The following CFAP58 variants were observed in gnomAD, a reference collection of about 807,000 sequenced individuals.
The protein encoded by CFAP58 is cilia- and flagella-associated protein 58.
In CFAP58, 88 loss-of-function variants were observed where a neutral mutation model predicts 119.5. The ratio of observed to expected loss-of-function variants is 0.74; its 90% CI spans 0.62 to 0.88. The LOEUF is 0.88. Among genes scored for constraint, CFAP58 ranks in the 40% least tolerant of loss-of-function variants. The pLI is 0.00. For missense variants in CFAP58, 990 were observed against 1,021.2 expected, an observed-to-expected ratio of 0.97 and a Z score of 0.42; for synonymous variants, 365 against 366.3, an observed-to-expected ratio of 1.00 and a Z score of 0.04.
In CFAP58 at chr10:104,390,271, A is replaced by G. The variant is rs895725005; in HGVS notation, c.1366-1962A>G. 2.6e-5 allele frequency among the ~76,000 whole-genome samples: 4 copies of G among 152,144 alleles called. 1 individual carries two copies. Among genetic ancestry groups the G allele is most frequent in the Admixed American group, 2.6e-4 (4 of 15,256 alleles). On this transcript the variant is annotated intron_variant, in intron 9 of 17. Coordinates refer to ENST00000369704, the MANE Select transcript of CFAP58 (RefSeq NM_001008723.2). ...AGAATTAAATTATGATGGCACACCC[A>G]CTCTATAGGATATTATGCAACCTTT...
In CFAP58 at chr10:104,370,594, C is replaced by T. The variant is rs533816975; in HGVS notation, c.931-301C>T. Among the ~76,000 whole-genome samples, 12 of 152,296 alleles carry T rather than the reference C, an allele frequency of 7.9e-5. No homozygotes were observed. In the South Asian group the frequency reaches 1.5e-3, roughly 18 times the overall value. On this transcript the variant is annotated intron_variant, in intron 6 of 17. Coordinates refer to ENST00000369704, the MANE Select transcript of CFAP58 (RefSeq NM_001008723.2). ...GTTCCTCCCACAACACGTGGGAATT[C>T]AAGGTGAGATTTGGGTGGGGACACA...
chr10:104,380,822 C>T (rs2011775988), intron 9 of CFAP58, among the ~76,000 whole-genome samples: 1 of 151,798 alleles, frequency 6.6e-6, no homozygotes, highest in African/African-American at 2.4e-5. Context: ...CATGTCGAGA[C>T]CCTGTCTCTA....
intron 16 of CFAP58, 28 bp downstream of exon 16, chr10:104,447,845 G>T (rs1450247662): frequency 3.2e-6 from 5 of 1,576,152 alleles, no homozygotes; most frequent in Non-Finnish European, 4.3e-6. Flanking sequence ...TTCCTTCCGG[G>T]TTCCAGGGCA....
chr10:104,439,969 G>A (rs1400911796), intron 15 of CFAP58, among the ~76,000 whole-genome samples: 3 of 152,126 alleles, frequency 2.0e-5, no homozygotes, highest in Non-Finnish European at 2.9e-5. Flanking sequence ...ACAGGCGCCC[G>A]CCACCAGGCC....
chr10:104,353,621 C>A, upstream of CFAP58: 1 of 467,530 alleles, frequency 2.1e-6, no homozygotes, highest in Non-Finnish European at 3.9e-6. Context: ...CGCCCCCTCA[C>A]TTCCTTGGCT....
chr10:104,428,221 G>C (rs935220884), intron 15 of CFAP58, among the ~76,000 whole-genome samples: 10 of 152,124 alleles, frequency 6.6e-5, no homozygotes, highest in African/African-American at 2.2e-4. Context: ...CATCCGCCAG[G>C]AGAAGCATAA....
chr10:104,364,971 C>T, intron 4 of CFAP58, 82 bp downstream of exon 4: 1 of 1,446,656 alleles, frequency 6.9e-7, no homozygotes, highest in African/African-American at 1.4e-5. Flanking sequence ...CCATCTTGCT[C>T]CTTTCTCAAA....
chr10:104,425,793 T>A (rs1199559362), intron 15 of CFAP58, among the ~76,000 whole-genome samples: 1 of 151,940 alleles, frequency 6.6e-6, no homozygotes, highest in Middle Eastern at 3.2e-3. Flanking sequence ...TGTGACTTGG[T>A]AAAAGTGACA....
intron 15 of CFAP58, among the ~76,000 whole-genome samples, chr10:104,425,126 A>G (rs2012722223): frequency 6.6e-6 from 1 of 152,210 alleles, no homozygotes; most frequent in Non-Finnish European, 1.5e-5. Context: ...CCTAGGATAG[A>G]GCTAGACACA....
At chr10:104,361,907 A>AT in intron 2 of CFAP58, 116 bp from the exon 3 acceptor site, 1 of 954,920 alleles carries the variant, frequency 1.0e-6, no homozygotes, top group South Asian at 1.7e-5. Context: ...TAAACAATTT[A>AT]GTCAATGCAC....
intron 15 of CFAP58, among the ~76,000 whole-genome samples, chr10:104,411,719 T>C (rs1418232476): frequency 1.3e-5 from 2 of 152,132 alleles, no homozygotes; most frequent in Non-Finnish European, 2.9e-5. Flanking sequence ...CTCAAACTCT[T>C]GTGACAGAAG....
upstream of CFAP58, chr10:104,353,755 C>T: frequency 6.7e-6 from 6 of 893,760 alleles, no homozygotes; most frequent in South Asian, 8.4e-5. Flanking sequence ...TGCCAGGCGA[C>T]GGGCCGACGC....
chr10:104,445,463 A>AG (rs529080052), intron 15 of CFAP58, among the ~76,000 whole-genome samples: 332 of 152,314 alleles, frequency 2.2e-3, no homozygotes, highest in African/African-American at 7.7e-3. Flanking sequence ...ACTTTCTATT[A>AG]GAGGACATGG....
chr10:104,358,271 G>T, intron 1 of CFAP58, 70 bp from the exon 2 acceptor site: 2 of 1,467,326 alleles, frequency 1.4e-6, no homozygotes, highest in Admixed American at 2.1e-5. Context: ...AGAGGTAATA[G>T]CAGTAATTCC....
At chr10:104,445,322 C>CAAA (rs762588303) in intron 15 of CFAP58, among the ~76,000 whole-genome samples, 37 of 110,374 alleles carry the variant, frequency 3.4e-4, no homozygotes, top group African/African-American at 1.1e-3. Flanking sequence ...GACCCGGTCT[C>CAAA]AAAAAAAAAA....
chr10:104,405,585 T>A (rs1404593951), intron 14 of CFAP58, among the ~76,000 whole-genome samples: 1 of 152,216 alleles, frequency 6.6e-6, no homozygotes, highest in Non-Finnish European at 1.5e-5. Context: ...AATTTATAAC[T>A]GTATATCTTG....
chr10:104,391,640 G>A (rs1464094896), intron 9 of CFAP58, among the ~76,000 whole-genome samples: 1 of 152,156 alleles, frequency 6.6e-6, no homozygotes, highest in Admixed American at 6.5e-5. Flanking sequence ...TTTCATGCTT[G>A]CAAAAATGAG....
At chr10:104,338,991 C>G in the CFAP58 span, among the ~76,000 whole-genome samples, 1 of 151,846 alleles carries the variant, frequency 6.6e-6, no homozygotes, top group Non-Finnish European at 1.5e-5. Context: ...TCACCGCAAC[C>G]TCCGCCTCCC....
At chr10:104,413,565 C>T (rs1244652112) in intron 15 of CFAP58, among the ~76,000 whole-genome samples, 2 of 152,118 alleles carry the variant, frequency 1.3e-5, no homozygotes, top group Non-Finnish European at 2.9e-5. Flanking sequence ...GGTGGCCTCT[C>T]CTTGCTGTTG....
Sources: gnomAD v4.1 joint callset for allele counts (sites outside exome capture counted in the v4.1 genomes callset) on GRCh38, gnomAD v4.1.1 for gene constraint, MANE v1.5 for transcripts, NCBI Gene and HGNC (gene_info 2026-07-23, HGNC 2026-07-21) for gene names.